The following MBP variants were observed in gnomAD, a reference collection of about 807,000 sequenced individuals.
The protein encoded by MBP is myelin basic protein.
A neutral mutation model predicts 35.8 loss-of-function variants in MBP; 16 were observed. The observed-to-expected ratio is 0.45, with a 90% confidence interval of 0.30 to 0.68. MBP has a LOEUF of 0.68. Among genes scored for constraint, MBP ranks in the 30% least tolerant of loss-of-function variants. The probability of loss-of-function intolerance (pLI) is 0.08; values close to 1 mark genes in which losing one functional copy is unlikely to be tolerated. For synonymous variants in MBP, 143 were observed against 159.6 expected (o/e 0.90, Z 0.78); for missense variants, 380 against 404.7 (o/e 0.94, Z 0.52).
rs1223251887 is a variant in MBP, at chr18:76,988,165, A to T, written c.750+330T>A. 6.5e-7 allele frequency: 1 copy of T among 1,538,238 alleles called. No homozygotes were observed. Among genetic ancestry groups the T allele is most frequent in the African/African-American group, 1.4e-5 (1 of 72,960 alleles). On this transcript the variant is annotated intron_variant, in intron 7 of 8. Coordinates refer to ENST00000355994, the MANE Select transcript of MBP (RefSeq NM_001025101.2). The surrounding 1 kb of genome is among the most constrained non-coding windows in gnomAD (Gnocchi z 5.2). The stretch of plus-strand genomic sequence containing the variant: ...TTCTCGCACTGGTTGTGTTGGAGGA[A>T]GTTAAACATTTTCTCGGACGTGGTG...
At chr18:76,991,210 C>T (rs3829622) in intron 4 of MBP, among the ~76,000 whole-genome samples, 128,678 of 151,822 alleles carry the variant, frequency 0.85, 56,271 homozygotes, top group Non-Finnish European at 0.95. Context: ...TTCCACATCT[C>T]GAGTAAGAGG....
chr18:77,082,539 G>T (rs1974993573), intron 2 of MBP, among the ~76,000 whole-genome samples: 2 of 152,208 alleles, frequency 1.3e-5, no homozygotes, highest in South Asian at 4.1e-4. Flanking sequence ...TCAGATTGTG[G>T]TGATGGTTGC....
chr18:76,991,456 C>G (rs766334916), intron 4 of MBP, among the ~76,000 whole-genome samples: 3 of 152,202 alleles, frequency 2.0e-5, no homozygotes, highest in Non-Finnish European at 4.4e-5. Context: ...GATGCTGCGG[C>G]TTTTGCAGAC....
At chr18:77,082,138 CACT>C (rs1974976029) in intron 2 of MBP, among the ~76,000 whole-genome samples, 1 of 152,048 alleles carries the variant, frequency 6.6e-6, no homozygotes, top group Non-Finnish European at 1.5e-5. Flanking sequence ...AGGCGTGAGC[CACT>C]GCGCCCGGCC....
chr18:77,125,731 G>A (rs933299816), intron 1 of MBP, among the ~76,000 whole-genome samples: 1 of 152,050 alleles, frequency 6.6e-6, no homozygotes, highest in African/African-American at 2.4e-5. Context: ...TGGGGAATTA[G>A]TGTGTTTCCC....
rs184693923 is a variant in MBP at position 76,989,072 on chromosome 18, T to C, written c.682-160A>G. The C allele has an allele frequency of 5.6e-4, 420 of 753,858 alleles. 3 individuals are homozygous for C. In the East Asian group the frequency reaches 8.9e-3, roughly 16 times the overall value. The allele number at this position is 753,858 out of a possible 1,614,324, so 46.7% of individuals were successfully genotyped here. A position where few individuals can be genotyped will look rare whatever the true frequency, so the allele number is the denominator to read the frequency against. ...TTCTGTCCTAGTTGGTGAAGAAGTA[T>C]AGACCTGAGATTGAAAATATTCTAG... is the stretch of plus-strand genomic sequence containing the variant. On this transcript the variant is annotated intron_variant, in intron 5 of 8. Coordinates refer to ENST00000355994, the MANE Select transcript of MBP (RefSeq NM_001025101.2). The surrounding 1 kb of genome is among the most constrained non-coding windows in gnomAD (Gnocchi z 4.0).
Position 77,019,889 on chromosome 18 carries a change from C to A in MBP, c.140-2621G>T, listed in dbSNP as rs146888028. Reference sequence around the variant, plus strand: ...AGAGCGGCCATGCTGGTTCTGGGTCCAGGAGGATGGCCGGGCTGAGAACCT... The same window carrying A: ...AGAGCGGCCATGCTGGTTCTGGGTCAAGGAGGATGGCCGGGCTGAGAACCT... On this transcript the variant is annotated intron_variant, in intron 3 of 8. Coordinates refer to ENST00000355994, the MANE Select transcript of MBP (RefSeq NM_001025101.2). 4.9e-3 allele frequency among the ~76,000 whole-genome samples: 753 copies of A among 152,244 alleles called. 3 individuals are homozygous for A. The highest frequency in any genetic ancestry group is 8.7e-3 in the Admixed American group (133 of 15,294).
intron 3 of MBP, among the ~76,000 whole-genome samples, chr18:77,065,196 A>G (rs7233524): frequency 0.063 from 9,552 of 152,288 alleles, 537 homozygotes; most frequent in African/African-American, 0.15. Flanking sequence ...AAGAAAATAA[A>G]TTTATTCCTT....
At position 77,132,607 on chromosome 18, in the gene MBP, G is replaced by C. The variant is rs1274225357; in HGVS notation, c.-53C>G. On this transcript the variant is annotated 5_prime_UTR_variant, in exon 1 of 9. Coordinates refer to ENST00000355994, the MANE Select transcript of MBP (RefSeq NM_001025101.2). ...GCGCTGCGCTCGTTGCTCCGAGGCCGAGGGGCGCCGCGGGGTCCAAGGCCC... is the reference window on the plus strand; with the variant it reads ...GCGCTGCGCTCGTTGCTCCGAGGCCCAGGGGCGCCGCGGGGTCCAAGGCCC... 6.6e-6 allele frequency: 1 copy of C among 152,246 alleles called. No individual in the cohort carries two copies. Among genetic ancestry groups the C allele is most frequent in the African/African-American group, 2.4e-5 (1 of 41,418 alleles). The allele number at this position is 152,246 out of a possible 1,614,324, so 9.4% of individuals were successfully genotyped here.
At chr18:77,009,956 A>C (rs1971248496) in intron 4 of MBP, 1 of 1,516,586 alleles carries the variant, frequency 6.6e-7, no homozygotes, top group African/African-American at 1.4e-5. Context: ...GGGCTGCGTG[A>C]GTCCGGGTGG....
At chr18:77,082,013 G>A (rs1174926937) in intron 2 of MBP, among the ~76,000 whole-genome samples, 1 of 148,158 alleles carries the variant, frequency 6.7e-6, no homozygotes, top group Non-Finnish European at 1.5e-5. Context: ...CACAACGCCT[G>A]GCTAATTTTT....
At chr18:77,074,185 A>G (rs1322927358) in intron 2 of MBP, among the ~76,000 whole-genome samples, 1 of 151,972 alleles carries the variant, frequency 6.6e-6, no homozygotes, top group Non-Finnish European at 1.5e-5. Flanking sequence ...GGGGGCTTCA[A>G]TTTTTCTGTT....
At chr18:77,034,847 C>T (rs755578025) in intron 3 of MBP, among the ~76,000 whole-genome samples, 3 of 152,220 alleles carry the variant, frequency 2.0e-5, no homozygotes, top group Non-Finnish European at 4.4e-5. Context: ...ACCATTTGCT[C>T]CAGGGCCCCC....
At chr18:77,010,051 G>A (rs183683137) in intron 4 of MBP, 100 of 659,776 alleles carry the variant, frequency 1.5e-4, no homozygotes, top group African/African-American at 8.8e-4. Flanking sequence ...AGGAGTGAGC[G>A]GGGGGTGGAG....
chr18:77,020,076 C>A lies in MBP; in HGVS notation c.140-2808G>T, dbSNP rs766901275. Among the ~76,000 whole-genome samples the A allele has an allele frequency of 6.6e-6, 1 of 152,076 alleles. No homozygotes were observed. The highest frequency in any genetic ancestry group is 1.5e-5 in the Non-Finnish European group (1 of 67,978). On this transcript the variant is annotated intron_variant, in intron 3 of 8. Transcript: ENST00000355994. This position sits in a 1 kb window ranked among gnomAD's most constrained non-coding sequence, Gnocchi z 4.1. ...AGAAGACAGGGCTTGGTTTGGGGAG[C>A]AGCGGGGCCTGGGGAGGGAAGATTC...
At chr18:77,046,752 G>A (rs149751484) in intron 3 of MBP, among the ~76,000 whole-genome samples, 2 of 152,358 alleles carry the variant, frequency 1.3e-5, no homozygotes, top group African/African-American at 2.4e-5. Flanking sequence ...TTGTTCCTAC[G>A]GCCCACCCTT....
chr18:77,120,277 G>GA lies in MBP; in HGVS notation c.-26+12302_-26+12303insT, dbSNP rs1388852096. ...AACCTCTAAAATCTGGTCAGCCCTCGCGGCATCTGGTGCAGCTGTGACCGG... is the reference window on the plus strand; with the variant it reads ...AACCTCTAAAATCTGGTCAGCCCTCGACGGCATCTGGTGCAGCTGTGACCGG... On this transcript the variant is annotated intron_variant, in intron 1 of 8. Transcript: ENST00000355994. Among the ~76,000 whole-genome samples the GA allele has an allele frequency of 3.3e-5, 5 of 152,184 alleles. No homozygotes were observed. In the East Asian group the frequency reaches 9.6e-4, roughly 29 times the overall value.
Position 77,102,040 on chromosome 18 carries a change from C to T in MBP, c.51+3171G>A, listed in dbSNP as rs555986747. Among the ~76,000 whole-genome samples the T allele has an allele frequency of 9.2e-5, 14 of 152,184 alleles. 1 individual carries two copies. The South Asian group carries it at 1.9e-3, about 20-fold the overall frequency. On this transcript the variant is annotated intron_variant, in intron 2 of 8. Coordinates refer to ENST00000355994, the MANE Select transcript of MBP (RefSeq NM_001025101.2). This position sits in a 1 kb window ranked among gnomAD's most constrained non-coding sequence, Gnocchi z 4.4. ...TCCTTGATATAGGAGGGGAAGAAGT[C>T]GGATGATAAACAAATCACCAGGATC... is the stretch of plus-strand genomic sequence containing the variant.
intron 3 of MBP, among the ~76,000 whole-genome samples, chr18:77,056,693 A>C (rs78180751): frequency 6.6e-6 from 1 of 152,048 alleles, no homozygotes; most frequent in Non-Finnish European, 1.5e-5. Flanking sequence ...GCTCTCTCCT[A>C]CTGCAATAGT....
Sources: gnomAD v4.1 joint callset for allele counts (sites outside exome capture counted in the v4.1 genomes callset) on GRCh38, gnomAD v4.1.1 for gene constraint, Gnocchi (gnomAD v3.1) non-coding constraint, MANE v1.5 for transcripts, NCBI Gene and HGNC (gene_info 2026-07-23, HGNC 2026-07-21) for gene names.